The following CFTR variants were observed in gnomAD, a reference collection of about 807,000 sequenced individuals.
CFTR encodes cystic fibrosis transmembrane conductance regulator.
Under a neutral mutation model 171.6 loss-of-function variants are expected in CFTR, and 181 were observed. That is an observed-to-expected ratio of 1.05 (90% confidence interval 0.93 to 1.19). The LOEUF is 1.19. Ranked by LOEUF, CFTR falls within the 50% of genes most tolerant of loss-of-function variation. The probability of loss-of-function intolerance (pLI) is 0.00; values close to 1 mark genes in which losing one functional copy is unlikely to be tolerated. For missense variants in CFTR, 1,968 were observed against 1,734.7 expected (o/e 1.13, Z -2.39); for synonymous variants, 583 against 608.0 (o/e 0.96, Z 0.60).
At chr7:117,523,437 C>T (rs1353415986) in intron 3 of CFTR, among the ~76,000 whole-genome samples, 2 of 150,568 alleles carry the variant, frequency 1.3e-5, no homozygotes, top group Non-Finnish European at 1.5e-5. Flanking sequence ...AGTGCAGTGG[C>T]GCGATCTCCA....
intron 11 of CFTR, among the ~76,000 whole-genome samples, chr7:117,582,222 T>G (rs534744410): frequency 1.3e-5 from 2 of 152,302 alleles, no homozygotes; most frequent in African/African-American, 4.8e-5. Flanking sequence ...TTAGAGGAAT[T>G]GAGTCAGAGA....
chr7:117,502,049 A>G (rs1798341025), intron 1 of CFTR, among the ~76,000 whole-genome samples: 1 of 152,200 alleles, frequency 6.6e-6, no homozygotes, highest in South Asian at 2.1e-4. Flanking sequence ...CAAATGCCGT[A>G]AGTCAGTTTT....
chr7:117,602,997 G>T, intron 16 of CFTR, 134 bp downstream of exon 16: 1 of 925,740 alleles, frequency 1.1e-6, no homozygotes, highest in Admixed American at 1.7e-5. Context: ...GGAAAGATAA[G>T]GTTTTTTGTT....
intron 11 of CFTR, among the ~76,000 whole-genome samples, chr7:117,577,059 T>C (rs1003011988): frequency 2.0e-5 from 3 of 152,118 alleles, no homozygotes; most frequent in Non-Finnish European, 2.9e-5. Flanking sequence ...AGAGAAGTCA[T>C]TGGAGACTTT....
chr7:117,495,408 A>G (rs889713796), intron 1 of CFTR, among the ~76,000 whole-genome samples: 1 of 152,052 alleles, frequency 6.6e-6, no homozygotes. Context: ...TTTTTGTAGC[A>G]TTACTTATTA....
intron 10 of CFTR, among the ~76,000 whole-genome samples, chr7:117,557,587 C>T (rs886214233): frequency 2.6e-5 from 4 of 151,966 alleles, no homozygotes; most frequent in Admixed American, 2.0e-4. Context: ...TATATAGATA[C>T]TTATAATTAC....
At chr7:117,632,847 G>A (rs982703178) in intron 22 of CFTR, among the ~76,000 whole-genome samples, 1 of 152,210 alleles carries the variant, frequency 6.6e-6, no homozygotes, top group African/African-American at 2.4e-5. Context: ...GAATTAAAGA[G>A]AACCTTTGAG....
chr7:117,535,789 C>T (rs978016505), intron 6 of CFTR, among the ~76,000 whole-genome samples: 3 of 152,136 alleles, frequency 2.0e-5, no homozygotes, highest in African/African-American at 7.2e-5. Flanking sequence ...CCACCTCGGC[C>T]TCCCAAAGTA....
intron 10 of CFTR, among the ~76,000 whole-genome samples, chr7:117,554,711 A>G (rs978201677): frequency 3.9e-5 from 6 of 152,148 alleles, no homozygotes; most frequent in African/African-American, 1.4e-4. Flanking sequence ...AGACAAAGCT[A>G]GTGAATGAAT....
In CFTR at chr7:117,642,369, A is replaced by G. The variant is rs564631137; in HGVS notation, c.3718-69A>G. On this transcript the variant is annotated intron_variant, in intron 22 of 26. Transcript: ENST00000003084. ...TTCCAATGGTTTTTATTGAAGTACA[A>G]TACTGAATTATGTTTATGGCATGGT... 2.9e-6 allele frequency: 4 copies of G among 1,390,160 alleles called. No individual in the cohort carries two copies. In the Admixed American group the frequency reaches 6.7e-5, roughly 23 times the overall value. 86.1% of individuals were successfully genotyped at this position (1,390,160 alleles called of 1,614,324 possible). A position where few individuals can be genotyped will look rare whatever the true frequency, so the allele number is the denominator to read the frequency against.
At chr7:117,546,099 T>G (rs1316901000) in intron 9 of CFTR, among the ~76,000 whole-genome samples, 2 of 152,070 alleles carry the variant, frequency 1.3e-5, no homozygotes, top group Non-Finnish European at 2.9e-5. Flanking sequence ...GTTCAAGCGA[T>G]TCTCCTGCCT....
intron 8 of CFTR, among the ~76,000 whole-genome samples, chr7:117,541,548 T>C (rs1470395372): frequency 6.6e-6 from 1 of 152,206 alleles, no homozygotes; most frequent in Non-Finnish European, 1.5e-5. Context: ...CACAGTTTGA[T>C]GCCTTAAAAC....
At chr7:117,510,585 T>G (rs1798501762) in intron 3 of CFTR, among the ~76,000 whole-genome samples, 1 of 152,150 alleles carries the variant, frequency 6.6e-6, no homozygotes, top group Admixed American at 6.6e-5. Flanking sequence ...CACTACTGAG[T>G]AGAAGCTGGA....
At position 117,627,736 on chromosome 7, in the gene CFTR, A is replaced by G. The variant is rs1190355027; in HGVS notation, c.3683A>G (p.Glu1228Gly). ...ACAGAAGGTGGAAATGCCATATTAG[A>G]GAACATTTCCTTCTCAATAAGTCCT... is the stretch of plus-strand genomic sequence containing the variant. ...KYTEGGNAIL[E>G]NISFSISPGQ... The change falls in exon 22 of 27, where the codon GAG (glutamate) becomes GGG (glycine). Residue 1228 changes from glutamate to glycine, a missense_variant. Coordinates refer to ENST00000003084, the MANE Select transcript of CFTR (RefSeq NM_000492.4). 8 of 1,612,970 alleles carry G rather than the reference A, an allele frequency of 5.0e-6. 1 individual carries two copies. Among genetic ancestry groups the G allele is most frequent in the Middle Eastern group, 1.7e-4 (1 of 6,054 alleles).
chr7:117,591,768 G>A (rs540031661), intron 13 of CFTR, among the ~76,000 whole-genome samples, 166 bp from the exon 14 acceptor site: 3 of 151,832 alleles, frequency 2.0e-5, no homozygotes, highest in African/African-American at 7.2e-5. Flanking sequence ...GAATTCACAA[G>A]GTACCAATTT....
chr7:117,591,068 A>G (rs1038124449), intron 13 of CFTR, among the ~76,000 whole-genome samples: 8 of 152,110 alleles, frequency 5.3e-5, no homozygotes, highest in Admixed American at 3.9e-4. Context: ...GAGAACAGTT[A>G]TTATACTCTT....
intron 21 of CFTR, among the ~76,000 whole-genome samples, chr7:117,620,589 T>C (rs1306280220): frequency 6.6e-6 from 1 of 152,160 alleles, no homozygotes; most frequent in Non-Finnish European, 1.5e-5. Context: ...GCCATTATGA[T>C]GTTCTAGAGT....
At chr7:117,650,848 C>T (rs2116190886) in intron 23 of CFTR, among the ~76,000 whole-genome samples, 1 of 152,188 alleles carries the variant, frequency 6.6e-6, no homozygotes, top group Middle Eastern at 3.4e-3. Context: ...TGCTGCCCAA[C>T]CTTTAATCTT....
intron 1 of CFTR, among the ~76,000 whole-genome samples, chr7:117,496,393 A>G (rs1286443195): frequency 6.6e-6 from 1 of 152,064 alleles, no homozygotes; most frequent in East Asian, 1.9e-4. Flanking sequence ...CTTTAGAGAC[A>G]GGGTCTTGTT....
Sources: allele counts gnomAD v4.1 joint callset (sites outside exome capture counted in the v4.1 genomes callset), GRCh38; gene constraint gnomAD v4.1.1; transcripts MANE v1.5; gene names NCBI Gene and HGNC (gene_info 2026-07-23, HGNC 2026-07-21).